CD200R1: variants seen among roughly 807,000 people sequenced by gnomAD.
The protein encoded by CD200R1 is CD200 receptor 1.
Under a neutral mutation model 38.1 loss-of-function variants are expected in CD200R1, and 30 were observed. That is an observed-to-expected ratio of 0.79 (90% CI 0.59 to 1.07). The LOEUF is 1.07. CD200R1 is among the 50% of genes least tolerant of loss of function. The pLI, the probability that CD200R1 is intolerant of heterozygous loss-of-function variation, is 0.00. For synonymous variants in CD200R1, 128 were observed against 152.1 expected (o/e 0.84, Z 1.16); for missense variants, 372 against 415.4 (o/e 0.90, Z 0.91).
At chr3:112,941,904 A>G (rs550677802) in intron 2 of CD200R1, among the ~76,000 whole-genome samples, 1 of 151,650 alleles carries the variant, frequency 6.6e-6, no homozygotes, top group Non-Finnish European at 1.5e-5. Context: ...CTCAGAGACC[A>G]TGCAAGCAAG....
chr3:112,922,969 G>C lies in CD200R1; in HGVS notation c.*708C>G, dbSNP rs1185843255. The stretch of plus-strand genomic sequence containing the variant: ...CTACAGATATACTCAAAAACAAAGA[G>C]ATATATGCACAAGAAACATTCTATG... On this transcript the variant is annotated 3_prime_UTR_variant, in exon 8 of 8. Transcript: ENST00000308611. 1 of 151,690 alleles carries C rather than the reference G, an allele frequency of 6.6e-6. No individual in the cohort carries two copies. The highest frequency in any genetic ancestry group is 1.5e-5 in the Non-Finnish European group (1 of 67,800). 9.4% of individuals were successfully genotyped at this position (151,690 alleles called of 1,614,324 possible).
chr3:112,923,761 G>C lies in CD200R1; in HGVS notation c.963C>G (p.Asn321Lys). ...TGTTTGTAGTATCATAGAGAGGATT[G>C]TTCTTCTCTGTGTAGCTGGCATAGG... Reference protein sequence around the residue: ...MQPYASYTEKNNPLYDTTNKV... With the variant: ...MQPYASYTEKKNPLYDTTNKV... Residue 321 changes from asparagine to lysine, a missense_variant, in exon 8 of 8, where the codon AAC becomes AAG. Transcript: ENST00000308611. The C allele has an allele frequency of 6.2e-7, 1 of 1,607,574 alleles. No individual in the cohort carries two copies. The highest frequency in any genetic ancestry group is 8.5e-7 in the Non-Finnish European group (1 of 1,176,210).
intron 1 of CD200R1, among the ~76,000 whole-genome samples, chr3:112,955,273 A>T (rs2085692927): frequency 6.6e-6 from 1 of 152,154 alleles, no homozygotes; most frequent in Admixed American, 6.5e-5. Flanking sequence ...TGTAGTTTAA[A>T]TGTGATGTCT....
intron 1 of CD200R1, among the ~76,000 whole-genome samples, chr3:112,964,060 G>A (rs1933091315): frequency 6.6e-6 from 1 of 152,192 alleles, no homozygotes; most frequent in Non-Finnish European, 1.5e-5. Flanking sequence ...GCCTGCCAGT[G>A]CATGGAAGTC....
chr3:112,947,465 T>C (rs1940890023), intron 2 of CD200R1, among the ~76,000 whole-genome samples: 1 of 152,208 alleles, frequency 6.6e-6, no homozygotes, highest in African/African-American at 2.4e-5. Context: ...TAAAGTCTGT[T>C]AACTTTTCTT....
chr3:112,972,831 T>C (rs41419746), intron 1 of CD200R1, among the ~76,000 whole-genome samples: 5,513 of 152,298 alleles, frequency 0.036, 356 homozygotes, highest in African/African-American at 0.13. Context: ...AAGCGAGTTC[T>C]TTCTGTTTGG....
At chr3:112,923,825 C>T in intron 7 of CD200R1, 26 bp from the exon 8 acceptor site, 1 of 1,426,718 alleles carries the variant, frequency 7.0e-7, no homozygotes, top group Non-Finnish European at 9.7e-7. Context: ...AAGTTAAAAT[C>T]AATTCAAAAA....
chr3:112,939,752 G>A, intron 2 of CD200R1, among the ~76,000 whole-genome samples: 1 of 148,806 alleles, frequency 6.7e-6, no homozygotes, highest in Non-Finnish European at 1.5e-5. Context: ...TTACTATCAA[G>A]ATACCAATGA....
At chr3:112,948,563 G>C (rs555941707) in intron 1 of CD200R1, among the ~76,000 whole-genome samples, 6 of 152,286 alleles carry the variant, frequency 3.9e-5, no homozygotes, top group African/African-American at 1.4e-4. Context: ...TCATGCTCCT[G>C]TGAGCATCTA....
rs1940207213 is a variant in CD200R1 at position 112,923,091 on chromosome 3, G to C, written c.*586C>G. On this transcript the variant is annotated 3_prime_UTR_variant, in exon 8 of 8. Coordinates refer to ENST00000308611, the MANE Select transcript of CD200R1 (RefSeq NM_138806.4). ...TTAGGGTTGTTTTTAATTAAATAAT[G>C]ATATAACTATACAATGGAATTTTAT... 1 of 151,752 alleles carries C rather than the reference G, an allele frequency of 6.6e-6. No homozygotes were observed. The highest frequency in any genetic ancestry group is 2.4e-5 in the African/African-American group (1 of 41,374). The allele number at this position is 151,752 out of a possible 1,614,324, so 9.4% of individuals were successfully genotyped here.
intron 1 of CD200R1, among the ~76,000 whole-genome samples, chr3:112,967,245 A>G (rs1269581975): frequency 2.6e-5 from 4 of 152,060 alleles, no homozygotes; most frequent in Non-Finnish European, 5.9e-5. Flanking sequence ...TTGAACTTCA[A>G]CTAGATCTCT....
intron 1 of CD200R1, among the ~76,000 whole-genome samples, chr3:112,958,274 CA>C (rs1379220680): frequency 6.6e-6 from 1 of 152,046 alleles, no homozygotes; most frequent in African/African-American, 2.4e-5. Flanking sequence ...TTAAATCAAT[CA>C]ATTATCCACA....
At chr3:112,925,402 G>C (rs1940259100) in intron 5 of CD200R1, among the ~76,000 whole-genome samples, 1 of 152,106 alleles carries the variant, frequency 6.6e-6, no homozygotes, top group South Asian at 2.1e-4. Context: ...GATAAAACTA[G>C]GGGAATAGTC....
chr3:112,955,715 G>A (rs1171309840), intron 1 of CD200R1, among the ~76,000 whole-genome samples: 1 of 151,764 alleles, frequency 6.6e-6, no homozygotes, highest in African/African-American at 2.4e-5. Flanking sequence ...CTGTTTATCT[G>A]AGAAAGTCTC....
intron 1 of CD200R1, among the ~76,000 whole-genome samples, chr3:112,960,491 T>G (rs1374175701): frequency 1.3e-5 from 2 of 152,006 alleles, no homozygotes; most frequent in Non-Finnish European, 2.9e-5. Context: ...GTTATTTATA[T>G]TAAGGAACAA....
intron 1 of CD200R1, among the ~76,000 whole-genome samples, chr3:112,973,265 T>C (rs1316090439): frequency 6.6e-6 from 1 of 152,222 alleles, no homozygotes; most frequent in Non-Finnish European, 1.5e-5. Flanking sequence ...AGATCTGAAC[T>C]ACTGAAAGAT....
intron 2 of CD200R1, among the ~76,000 whole-genome samples, chr3:112,934,801 G>C (rs1940538098): frequency 6.6e-6 from 1 of 152,058 alleles, no homozygotes; most frequent in African/African-American, 2.4e-5. Context: ...TTGCACTCCA[G>C]CCTGGGTGAC....
rs929176040 is a variant in CD200R1, at chr3:112,968,472, A to G, written c.67+6319T>C. On this transcript the variant is annotated intron_variant, in intron 1 of 7. Transcript: ENST00000308611. ...ACCTGAGGTTACTGGAAAGTGGAGG[A>G]AGCAGAAAAATTCTTGAAGGGTGTC... Among the ~76,000 whole-genome samples, 4 of 152,322 alleles carry G rather than the reference A, an allele frequency of 2.6e-5. No homozygotes were observed. The Middle Eastern group carries it at 0.01, about 389-fold the overall frequency.
chr3:112,952,816 T>G (rs1433210242), intron 1 of CD200R1, among the ~76,000 whole-genome samples: 1 of 152,098 alleles, frequency 6.6e-6, no homozygotes, highest in East Asian at 1.9e-4. Context: ...ATAAATAATT[T>G]TTCGTGGAGT....
Sources: allele counts gnomAD v4.1 joint callset (sites outside exome capture counted in the v4.1 genomes callset), GRCh38; gene constraint gnomAD v4.1.1; transcripts MANE v1.5; gene names NCBI Gene and HGNC (gene_info 2026-07-23, HGNC 2026-07-21).